ARL1: variants seen among roughly 807,000 people sequenced by gnomAD.
ARL1 encodes ARF like GTPase 1, also known as ADP-ribosylation factor-like protein 1.
A neutral mutation model predicts 30.1 loss-of-function variants in ARL1; 17 were observed. That is an observed-to-expected ratio of 0.56 (90% confidence interval 0.39 to 0.85). The LOEUF (loss-of-function observed/expected upper bound fraction) is 0.85, where lower values mean the gene tolerates loss of function less well. Ranked by LOEUF, ARL1 falls within the 40% of genes least tolerant of loss-of-function variation. The pLI is 0.00. For missense variants in ARL1, 102 were observed against 212.6 expected, an observed-to-expected ratio of 0.48 and a Z score of 3.24; for synonymous variants, 58 against 71.7, an observed-to-expected ratio of 0.81 and a Z score of 0.97.
intron 4 of ARL1, among the ~76,000 whole-genome samples, chr12:101,399,726 T>C (rs1019501227): frequency 2.6e-5 from 4 of 152,158 alleles, no homozygotes. Context: ...TACATTTGAT[T>C]ATTTTTTCAT....
At chr12:101,399,458 G>A (rs1403817447) in intron 4 of ARL1, among the ~76,000 whole-genome samples, 5 of 144,970 alleles carry the variant, frequency 3.4e-5, no homozygotes, top group Non-Finnish European at 6.0e-5. Flanking sequence ...ATTGTAGTGA[G>A]TGGAGATCAC....
At chr12:101,396,745 T>A (rs1193767975) in intron 4 of ARL1, among the ~76,000 whole-genome samples, 168 bp from the exon 5 acceptor site, 1 of 152,166 alleles carries the variant, frequency 6.6e-6, no homozygotes, top group Non-Finnish European at 1.5e-5. Flanking sequence ...GCTTCACTCA[T>A]AATCCTACCT....
chr12:101,407,794 C>A, upstream of ARL1: 1 of 1,152,296 alleles, frequency 8.7e-7, no homozygotes, highest in Non-Finnish European at 1.3e-6. Flanking sequence ...GCTGCGACTG[C>A]GCGCCGGGAA....
intron 3 of ARL1, 78 bp from the exon 4 acceptor site, chr12:101,401,251 C>T: frequency 1.1e-6 from 1 of 909,264 alleles, no homozygotes. Flanking sequence ...CCAATTCTGT[C>T]CCACACATGT....
At chr12:101,398,000 C>T (rs192350774) in intron 4 of ARL1, among the ~76,000 whole-genome samples, 1 of 152,158 alleles carries the variant, frequency 6.6e-6, no homozygotes, top group East Asian at 1.9e-4. Context: ...GTTTTGTTTA[C>T]ATTAATATAA....
intron 1 of ARL1, among the ~76,000 whole-genome samples, chr12:101,406,245 G>T (rs917350101): frequency 1.3e-5 from 2 of 152,188 alleles, no homozygotes; most frequent in African/African-American, 4.8e-5. Flanking sequence ...ATATGGCCGC[G>T]GCCTTTGGGA....
In ARL1 at chr12:101,393,971, C is replaced by T. The variant is rs1051500342; in HGVS notation, c.*1669G>A. On this transcript the variant is annotated 3_prime_UTR_variant, in exon 6 of 6. Coordinates refer to ENST00000261636, the MANE Select transcript of ARL1 (RefSeq NM_001177.6). ...ATATTCTGAAATGCCATATGCCAGG[C>T]GCCATACCAGATACTAGGGACATAA... The T allele has an allele frequency of 2.0e-5, 3 of 151,138 alleles. No individual in the cohort carries two copies. The highest frequency in any genetic ancestry group is 4.9e-5 in the African/African-American group (2 of 41,108). 9.4% of individuals were successfully genotyped at this position (151,138 alleles called of 1,614,324 possible). A position where few individuals can be genotyped will look rare whatever the true frequency, so the allele number is the denominator to read the frequency against.
At chr12:101,396,632 T>C (rs1407061652) in intron 4 of ARL1, 55 bp from the exon 5 acceptor site, 4 of 1,446,140 alleles carry the variant, frequency 2.8e-6, no homozygotes, top group Admixed American at 2.0e-5. Context: ...CTCTCGAGTT[T>C]AGAAAATGTC....
rs1871297650 is a variant in ARL1, at chr12:101,401,241, C to A, written c.225-68G>T. 3 of 991,830 alleles carry A rather than the reference C, an allele frequency of 3.0e-6. No individual in the cohort carries two copies. In the Admixed American group the frequency reaches 5.7e-5, roughly 19 times the overall value. The allele number at this position is 991,830 out of a possible 1,614,324, so 61.4% of individuals were successfully genotyped here. Reference sequence around the variant, plus strand: ...AAGGAAGAAACTGACATATCAATTGCCAATTCTGTCCCACACATGTTAGAA... The same window carrying A: ...AAGGAAGAAACTGACATATCAATTGACAATTCTGTCCCACACATGTTAGAA... On this transcript the variant is annotated intron_variant, in intron 3 of 5. Coordinates refer to ENST00000261636, the MANE Select transcript of ARL1 (RefSeq NM_001177.6).
At position 101,394,358 on chromosome 12, in the gene ARL1, CCT is replaced by C. The variant is rs1409287139; in HGVS notation, c.*1280_*1281del. 6.6e-6 allele frequency: 1 copy of C among 152,102 alleles called. No homozygotes were observed. The highest frequency in any genetic ancestry group is 1.5e-5 in the Non-Finnish European group (1 of 68,020). The allele number at this position is 152,102 out of a possible 1,614,324, so 9.4% of individuals were successfully genotyped here. A position where few individuals can be genotyped will look rare whatever the true frequency, so the allele number is the denominator to read the frequency against. The stretch of plus-strand genomic sequence containing the variant: ...TCCAACTTAAGTGAAAGAAATTCAC[CCT>C]GTTTTTAGCAATTATGACGCACTAT... On this transcript the variant is annotated 3_prime_UTR_variant, in exon 6 of 6. Transcript: ENST00000261636.
At chr12:101,398,312 C>A (rs1331918897) in intron 4 of ARL1, among the ~76,000 whole-genome samples, 1 of 151,136 alleles carries the variant, frequency 6.6e-6, no homozygotes, top group Non-Finnish European at 1.5e-5. Context: ...AGGAGAATTG[C>A]TTGAACCTGG....
intron 4 of ARL1, among the ~76,000 whole-genome samples, chr12:101,399,522 AAAAAAAAAAAAAAAAAAG>A (rs1451280002): frequency 4.8e-5 from 2 of 41,378 alleles, no homozygotes; most frequent in Non-Finnish European, 2.2e-4. Context: ...AAAAAAAAAA[AAAAAAAAAAAAAAAAAAG>A]AATTCAAAAG....
intron 1 of ARL1, chr12:101,407,410 G>T (rs1341419040): frequency 1.9e-6 from 1 of 521,270 alleles, no homozygotes; most frequent in Admixed American, 3.7e-5. Flanking sequence ...AGCTGTCCGG[G>T]TCCCTGGACC....
chr12:101,407,297 A>G, intron 1 of ARL1: 1 of 319,340 alleles, frequency 3.1e-6, no homozygotes, highest in Non-Finnish European at 5.7e-6. Context: ...ACGCGTTGCC[A>G]GCCTCCGCAA....
At chr12:101,397,968 G>A (rs1290123782) in intron 4 of ARL1, among the ~76,000 whole-genome samples, 1 of 151,950 alleles carries the variant, frequency 6.6e-6, no homozygotes, top group African/African-American at 2.4e-5. Flanking sequence ...GTTTATATTT[G>A]CCATATCTGA....
chr12:101,398,595 G>A (rs1227466118), intron 4 of ARL1, among the ~76,000 whole-genome samples: 4 of 151,740 alleles, frequency 2.6e-5, no homozygotes, highest in African/African-American at 9.7e-5. Context: ...GATTACAGGC[G>A]TGCGCTACTA....
intron 4 of ARL1, among the ~76,000 whole-genome samples, chr12:101,397,806 C>G (rs763465288): frequency 1.3e-5 from 2 of 152,104 alleles, no homozygotes; most frequent in African/African-American, 2.4e-5. Context: ...CCTGCTGACC[C>G]TGTCTCTTTA....
chr12:101,405,832 A>T lies in ARL1; in HGVS notation c.142+12T>A. 1 of 1,545,586 alleles carries T rather than the reference A, an allele frequency of 6.5e-7. No individual in the cohort carries two copies. Among genetic ancestry groups the T allele is most frequent in the Non-Finnish European group, 8.7e-7 (1 of 1,146,620 alleles). On this transcript the variant is annotated intron_variant, in intron 2 of 5. Transcript: ENST00000261636. ...AAAGTCCCTACAATTAGCTCATCAT[A>T]CCAACACTTACTAGGTATAGTAGTA...
Position 101,393,720 on chromosome 12 carries a change from G to A in ARL1, c.*1920C>T, listed in dbSNP as rs1357524442. On this transcript the variant is annotated 3_prime_UTR_variant, in exon 6 of 6. Transcript: ENST00000261636. Reference sequence around the variant, plus strand: ...TGCCCTAGGATTCAAGATGGCCAGCGGCTACATGCCGGGTCTGCCTGCCAG... The same window carrying A: ...TGCCCTAGGATTCAAGATGGCCAGCAGCTACATGCCGGGTCTGCCTGCCAG... 1.3e-5 allele frequency: 2 copies of A among 152,254 alleles called. No individual in the cohort carries two copies. The highest frequency in any genetic ancestry group is 1.9e-4 in the East Asian group (1 of 5,180). 9.4% of individuals were successfully genotyped at this position (152,254 alleles called of 1,614,324 possible).
Sources: gnomAD v4.1 joint callset for allele counts (sites outside exome capture counted in the v4.1 genomes callset) on GRCh38, gnomAD v4.1.1 for gene constraint, MANE v1.5 for transcripts, NCBI Gene and HGNC (gene_info 2026-07-23, HGNC 2026-07-21) for gene names.